BFSP2: variants seen among roughly 807,000 people sequenced by gnomAD.
BFSP2 encodes phakinin.
BFSP2 carries 38 observed loss-of-function variants against 44.9 expected under a neutral mutation model. The ratio of observed to expected loss-of-function variants is 0.85; its 90% CI spans 0.65 to 1.11. BFSP2 has a LOEUF of 1.11. Among genes scored for constraint, BFSP2 ranks in the 50% least tolerant of loss-of-function variants. The probability of loss-of-function intolerance (pLI) is 0.00; values close to 1 mark genes in which losing one functional copy is unlikely to be tolerated. For synonymous variants in BFSP2, 197 were observed against 209.9 expected (o/e 0.94, Z 0.53); for missense variants, 525 against 533.0 (o/e 0.99, Z 0.15).
intron 1 of BFSP2, among the ~76,000 whole-genome samples, chr3:133,421,750 C>T (rs1360334187): frequency 6.6e-6 from 1 of 152,156 alleles, no homozygotes; most frequent in Non-Finnish European, 1.5e-5. Flanking sequence ...AAAAATGTTG[C>T]AGAAATATCA....
At chr3:133,415,358 A>ACCCCTGCCCTCTCTCCCCTACTCT (rs1576561843) in intron 1 of BFSP2, among the ~76,000 whole-genome samples, 2 of 38,786 alleles carry the variant, frequency 5.2e-5, no homozygotes, top group African/African-American at 1.2e-4. Context: ...CCCTCTACTC[A>ACCCCTGCCCTCTCTCCCCTACTCT]CCCCTCTACT....
At position 133,400,744 on chromosome 3, in the gene BFSP2, AGGAGCCCAC is replaced by A. The variant is rs1399932928; in HGVS notation, c.489+174_489+182del. On this transcript the variant is annotated intron_variant, in intron 1 of 6. Transcript: ENST00000302334. This position sits in a 1 kb window ranked among gnomAD's most constrained non-coding sequence, Gnocchi z 4.0. Reference sequence around the variant, plus strand: ...ATGCTACCTTTTACCGAGGTTTACTAGGAGCCCACGCTAGCCCCCATACGTGCACTACCC... The same window carrying A: ...ATGCTACCTTTTACCGAGGTTTACTAGCTAGCCCCCATACGTGCACTACCC... Among the ~76,000 whole-genome samples, 1 of 152,232 alleles carries A rather than the reference AGGAGCCCAC, an allele frequency of 6.6e-6. No individual in the cohort carries two copies. The highest frequency in any genetic ancestry group is 2.4e-5 in the African/African-American group (1 of 41,464).
At chr3:133,452,725 T>C (rs1451616589) in intron 4 of BFSP2, among the ~76,000 whole-genome samples, 1 of 152,200 alleles carries the variant, frequency 6.6e-6, no homozygotes, top group Non-Finnish European at 1.5e-5. Context: ...TTCTCTGCAT[T>C]GGGCTGCATC....
At chr3:133,417,141 T>C (rs1576563805) in intron 1 of BFSP2, among the ~76,000 whole-genome samples, 1 of 73,852 alleles carries the variant, frequency 1.4e-5, no homozygotes. Flanking sequence ...ACCCCTGCCC[T>C]CTCCCCTCTC....
At chr3:133,452,291 C>A (rs890610105) in intron 4 of BFSP2, among the ~76,000 whole-genome samples, 3 of 152,184 alleles carry the variant, frequency 2.0e-5, no homozygotes, top group African/African-American at 7.2e-5. Context: ...TCTGGATTCC[C>A]AAAATGTTCT....
intron 4 of BFSP2, among the ~76,000 whole-genome samples, chr3:133,457,039 A>G (rs2074018729): frequency 6.6e-6 from 1 of 152,238 alleles, no homozygotes; most frequent in African/African-American, 2.4e-5. Context: ...ATGAAGCTGA[A>G]TTAAAACAGG....
intron 1 of BFSP2, among the ~76,000 whole-genome samples, chr3:133,425,672 GTCA>G (rs2073637667): frequency 1.3e-5 from 2 of 151,714 alleles, no homozygotes; most frequent in African/African-American, 4.8e-5. Context: ...GGATGCTGAA[GTCA>G]GTTCCGTCTC....
intron 1 of BFSP2, among the ~76,000 whole-genome samples, chr3:133,406,116 A>ATTT (rs11398329): frequency 2.8e-4 from 41 of 144,204 alleles, no homozygotes; most frequent in Non-Finnish European, 4.1e-4. Context: ...ATATCCAGCT[A>ATTT]TTTTTTTTTT....
intron 4 of BFSP2, among the ~76,000 whole-genome samples, chr3:133,457,768 T>C (rs1299016878): frequency 6.6e-6 from 1 of 152,202 alleles, no homozygotes; most frequent in African/African-American, 2.4e-5. Context: ...TGGAGTTCAA[T>C]AGTTGCAACA....
intron 4 of BFSP2, among the ~76,000 whole-genome samples, chr3:133,463,981 AATC>A (rs1272250773): frequency 2.0e-5 from 3 of 152,148 alleles, no homozygotes; most frequent in Non-Finnish European, 2.9e-5. Flanking sequence ...AAAATTTAAA[AATC>A]AGCTCCCGTG....
chr3:133,415,132 A>G (rs1490951715), intron 1 of BFSP2, among the ~76,000 whole-genome samples: 3 of 63,626 alleles, frequency 4.7e-5, no homozygotes, highest in African/African-American at 2.0e-4. Context: ...TTACCCCTCT[A>G]CTCAACCCTG....
At chr3:133,452,948 G>A (rs957408778) in intron 4 of BFSP2, among the ~76,000 whole-genome samples, 2 of 152,142 alleles carry the variant, frequency 1.3e-5, no homozygotes, top group African/African-American at 4.8e-5. Flanking sequence ...ACCCCTTGGA[G>A]AATCATCACT....
At chr3:133,429,984 C>T (rs1475560914) in intron 1 of BFSP2, among the ~76,000 whole-genome samples, 1 of 150,652 alleles carries the variant, frequency 6.6e-6, no homozygotes. Flanking sequence ...CAATTCCCAC[C>T]TATGAGTGAG....
intron 4 of BFSP2, 147 bp from the exon 5 acceptor site, chr3:133,466,681 A>AAAAAAAAAAAAAAAC: frequency 2.0e-6 from 1 of 502,690 alleles, no homozygotes; most frequent in Non-Finnish European, 3.3e-6. Context: ...TCTCAACAAA[A>AAAAAAAAAAAAAAAC]AAAAAAAAAA....
rs2073355844 is a variant in BFSP2, at chr3:133,400,636, G to A, written c.489+64G>A. The stretch of plus-strand genomic sequence containing the variant: ...TGGGAGGGGCTGCTGAAGGCAGCGG[G>A]TAGGGTTGTGAGTAGGCTGAGGCCA... On this transcript the variant is annotated intron_variant, in intron 1 of 6. Transcript: ENST00000302334. The surrounding 1 kb of genome is among the most constrained non-coding windows in gnomAD (Gnocchi z 4.0). 1.3e-6 allele frequency: 2 copies of A among 1,550,502 alleles called. No homozygotes were observed. The highest frequency in any genetic ancestry group is 1.4e-5 in the African/African-American group (1 of 73,218).
intron 4 of BFSP2, among the ~76,000 whole-genome samples, chr3:133,451,710 T>C (rs1372776285): frequency 6.6e-6 from 1 of 152,262 alleles, no homozygotes; most frequent in South Asian, 2.1e-4. Flanking sequence ...TCTGACACTT[T>C]GAGATGTTTT....
At chr3:133,410,855 A>G (rs1316815518) in intron 1 of BFSP2, 3 of 164,072 alleles carry the variant, frequency 1.8e-5, no homozygotes, top group African/African-American at 4.8e-5. Flanking sequence ...ACACATTCAG[A>G]GCTTTTAATA....
intron 1 of BFSP2, among the ~76,000 whole-genome samples, chr3:133,409,560 C>T (rs1313185280): frequency 1.3e-5 from 2 of 152,164 alleles, no homozygotes; most frequent in East Asian, 1.9e-4. Context: ...GAATGGGGGG[C>T]TCCTTGTAGA....
intron 1 of BFSP2, among the ~76,000 whole-genome samples, chr3:133,436,940 C>CT (rs1444301624): frequency 6.6e-6 from 1 of 152,136 alleles, no homozygotes; most frequent in Non-Finnish European, 1.5e-5. Flanking sequence ...TGAACTCATC[C>CT]TTTTTTATGG....
Sources: gnomAD v4.1 joint callset for allele counts (sites outside exome capture counted in the v4.1 genomes callset) on GRCh38, gnomAD v4.1.1 for gene constraint, Gnocchi (gnomAD v3.1) non-coding constraint, MANE v1.5 for transcripts, NCBI Gene and HGNC (gene_info 2026-07-23, HGNC 2026-07-21) for gene names.